DMD: variants seen among roughly 807,000 people sequenced by gnomAD.
DMD encodes the protein dystrophin, also known as mutant dystrophin.
A neutral mutation model predicts 330.1 loss-of-function variants in DMD; 63 were observed. The observed-to-expected ratio is 0.19, with a 90% confidence interval of 0.16 to 0.24. DMD has a LOEUF of 0.24. Among genes scored for constraint, DMD ranks in the 10% least tolerant of loss-of-function variants. DMD has a pLI of 1.00. For missense variants in DMD, 3,344 were observed against 2,684.1 expected (o/e 1.25, Z -5.43); for synonymous variants, 1,223 against 959.8 (o/e 1.27, Z -5.07).
intron 44 of DMD, among the ~76,000 whole-genome samples, chrX:32,110,078 C>T (rs1057286823): frequency 2.7e-5 from 3 of 111,447 alleles, no homozygotes; most frequent in Non-Finnish European, 3.8e-5. Context: ...TGAGATTCAG[C>T]GTTATACATT....
chrX:31,363,752 T>G (rs1210901137), intron 60 of DMD, among the ~76,000 whole-genome samples: 1 of 112,109 alleles, frequency 8.9e-6, no homozygotes, highest in Non-Finnish European at 1.9e-5. Context: ...AATTTTTTGT[T>G]GTGCTATCTA....
intron 1 of DMD, among the ~76,000 whole-genome samples, chrX:33,250,494 C>T (rs943097795): frequency 1.6e-4 from 18 of 110,540 alleles, no homozygotes; most frequent in African/African-American, 5.9e-4. Flanking sequence ...AGACCAGTAC[C>T]GGTCCTTGGC....
chrX:32,722,726 T>G (rs750255899), intron 7 of DMD, among the ~76,000 whole-genome samples: 1 of 111,473 alleles, frequency 9.0e-6, no homozygotes, highest in Non-Finnish European at 1.9e-5. Flanking sequence ...TAGAATTTTT[T>G]AAAATTTTTT....
At chrX:31,243,865 T>C (rs2048584585) in intron 63 of DMD, among the ~76,000 whole-genome samples, 1 of 112,688 alleles carries the variant, frequency 8.9e-6, no homozygotes, top group Non-Finnish European at 1.9e-5. Context: ...CTCAAAGTCT[T>C]ACGTGGAACA....
At chrX:32,593,968 G>C (rs1337359904) in intron 13 of DMD, among the ~76,000 whole-genome samples, 1 of 112,013 alleles carries the variant, frequency 8.9e-6, no homozygotes, top group Non-Finnish European at 1.9e-5. Flanking sequence ...AATTATCGGA[G>C]AGCACACTTT....
chrX:31,175,192 A>AT (rs1488584123), intron 71 of DMD, among the ~76,000 whole-genome samples: 2 of 111,475 alleles, frequency 1.8e-5, no homozygotes, highest in African/African-American at 6.5e-5. Flanking sequence ...TCAATTACAT[A>AT]TTTTTTTAAT....
chrX:32,587,845 G>C (rs1222078875), intron 13 of DMD, among the ~76,000 whole-genome samples: 2 of 111,590 alleles, frequency 1.8e-5, no homozygotes, highest in African/African-American at 6.5e-5. Flanking sequence ...ATATTTCAGT[G>C]ATTTTTAAAT....
chrX:32,649,487 C>T (rs1241419788), intron 9 of DMD, among the ~76,000 whole-genome samples: 4 of 97,668 alleles, frequency 4.1e-5, no homozygotes, highest in East Asian at 6.8e-4. Flanking sequence ...ACCCGGGAGG[C>T]GGAGCTTGCA....
intron 55 of DMD, among the ~76,000 whole-genome samples, chrX:31,587,488 A>T (rs1275561096): frequency 1.8e-5 from 2 of 112,566 alleles, no homozygotes; most frequent in Admixed American, 9.4e-5. Context: ...AATCAGTTGT[A>T]TTACTTAAGT....
At chrX:33,293,101 C>T (rs912229667) in intron 1 of DMD, among the ~76,000 whole-genome samples, 1 of 111,526 alleles carries the variant, frequency 9.0e-6, no homozygotes, top group African/African-American at 3.3e-5. Flanking sequence ...GATTATCCCT[C>T]AAAATCATAT....
At chrX:31,801,998 A>T (rs1445351294) in intron 50 of DMD, among the ~76,000 whole-genome samples, 2 of 111,303 alleles carry the variant, frequency 1.8e-5, no homozygotes, top group Admixed American at 9.6e-5. Flanking sequence ...AATCAGAGAG[A>T]CCAATATGTG....
chrX:32,464,856 T>C (rs1448710663), intron 23 of DMD, among the ~76,000 whole-genome samples, 157 bp from the exon 24 acceptor site: 1 of 112,184 alleles, frequency 8.9e-6, no homozygotes, highest in Non-Finnish European at 1.9e-5. Context: ...TTACTAAGAC[T>C]GCATTTTTAT....
chrX:31,198,993 T>C (rs1173497191), intron 67 of DMD, among the ~76,000 whole-genome samples: 1 of 112,122 alleles, frequency 8.9e-6, no homozygotes, highest in African/African-American at 3.2e-5. Context: ...CACTCTGTCA[T>C]TTCAATCTAG....
At chrX:32,056,065 T>C (rs1236917708) in intron 44 of DMD, among the ~76,000 whole-genome samples, 1 of 111,508 alleles carries the variant, frequency 9.0e-6, no homozygotes, top group Non-Finnish European at 1.9e-5. Flanking sequence ...GTCTGCTTAG[T>C]GATTTGATAA....
rs2093516057 is a variant in DMD, at chrX:33,009,222, A to G, written c.93+10917T>C. On this transcript the variant is annotated intron_variant, in intron 2 of 78. Coordinates refer to ENST00000357033, the MANE Select transcript of DMD (RefSeq NM_004006.3). ...TATGTGTATATATACACATATGTGC[A>G]TATATGTGTATATATACACATGTGC... Among the ~76,000 whole-genome samples, 2 of 25,773 alleles carry G rather than the reference A, an allele frequency of 7.8e-5. 1 individual carries two copies. The highest frequency in any genetic ancestry group is 3.4e-4 in the African/African-American group (2 of 5,963). The allele number at this position is 25,773 out of a possible 115,157, so 22.4% of individuals were successfully genotyped here.
At chrX:31,143,901 G>T (rs1373562719) in intron 76 of DMD, among the ~76,000 whole-genome samples, 2 of 112,140 alleles carry the variant, frequency 1.8e-5, no homozygotes, top group Admixed American at 9.4e-5. Flanking sequence ...AAGCTCAGTT[G>T]TTTTCAGAAT....
At chrX:33,009,351 C>G (rs201757406) in intron 2 of DMD, among the ~76,000 whole-genome samples, 1 of 25,073 alleles carries the variant, frequency 4.0e-5, no homozygotes, top group Admixed American at 3.6e-4. Flanking sequence ...TGTATATACA[C>G]ATGTGTGTAT....
At chrX:31,790,716 T>A (rs1313053302) in intron 50 of DMD, among the ~76,000 whole-genome samples, 2 of 110,907 alleles carry the variant, frequency 1.8e-5, no homozygotes, top group East Asian at 5.6e-4. Flanking sequence ...CCCCAAACCA[T>A]AGCCAACAAG....
intron 52 of DMD, among the ~76,000 whole-genome samples, chrX:31,680,463 C>T (rs979111602): frequency 1.8e-5 from 2 of 110,034 alleles, no homozygotes; most frequent in South Asian, 4.0e-4. Flanking sequence ...CTCCGCCTCC[C>T]GGGTTCAAGC....
Sources: allele counts gnomAD v4.1 joint callset (sites outside exome capture counted in the v4.1 genomes callset), GRCh38; gene constraint gnomAD v4.1.1; transcripts MANE v1.5; gene names NCBI Gene and HGNC (gene_info 2026-07-23, HGNC 2026-07-21).